CCDC149: variants seen among roughly 807,000 people sequenced by gnomAD.
CCDC149 encodes the protein coiled-coil domain-containing protein 149.
A neutral mutation model predicts 59.9 loss-of-function variants in CCDC149; 45 were observed. The observed-to-expected ratio is 0.75, with a 90% CI of 0.59 to 0.96. CCDC149 has a LOEUF of 0.96. Among genes scored for constraint, CCDC149 ranks in the 40% least tolerant of loss-of-function variants. The pLI is 0.00. For missense variants in CCDC149, 584 were observed against 664.7 expected, an observed-to-expected ratio of 0.88 and a Z score of 1.33; for synonymous variants, 245 against 260.6, an observed-to-expected ratio of 0.94 and a Z score of 0.58.
At chr4:24,953,044 G>GCAAC (rs1448359982) in intron 1 of CCDC149, among the ~76,000 whole-genome samples, 1 of 152,158 alleles carries the variant, frequency 6.6e-6, no homozygotes, top group Non-Finnish European at 1.5e-5. Flanking sequence ...CTCTGTGAGA[G>GCAAC]CAACCTGACC....
In CCDC149 at chr4:24,853,093, T is replaced by G. The variant is rs1315817877; in HGVS notation, c.351A>C (p.Gly117=). 1.2e-6 allele frequency: 2 copies of G among 1,612,622 alleles called. No individual in the cohort carries two copies. Among genetic ancestry groups the G allele is most frequent in the South Asian group, 2.2e-5 (2 of 91,052 alleles). Residue 117 remains glycine, a synonymous_variant, in exon 4 of 13, where the codon GGA becomes GGC. Coordinates refer to ENST00000635206, the MANE Select transcript of CCDC149 (RefSeq NM_001330643.2). ...GTACCTTGTTGTCGCCCTGGACTTCTCCAAGCCTTTGCTGAAGTTCTTTAA... is the reference window on the plus strand; with the variant it reads ...GTACCTTGTTGTCGCCCTGGACTTCGCCAAGCCTTTGCTGAAGTTCTTTAA...
chr4:24,820,514 A>C (rs976484353), intron 11 of CCDC149, among the ~76,000 whole-genome samples: 2 of 152,176 alleles, frequency 1.3e-5, no homozygotes, highest in African/African-American at 4.8e-5. Context: ...AAGAAAGAAG[A>C]GGAAGAGGAG....
chr4:24,973,362 C>T (rs1468936886), intron 1 of CCDC149, among the ~76,000 whole-genome samples: 8 of 152,210 alleles, frequency 5.3e-5, no homozygotes, highest in Middle Eastern at 3.4e-3. Flanking sequence ...CTCTTTGTGT[C>T]GACATGGTGG....
At chr4:24,820,744 G>A (rs1715338600) in intron 11 of CCDC149, among the ~76,000 whole-genome samples, 1 of 151,876 alleles carries the variant, frequency 6.6e-6, no homozygotes, top group Admixed American at 6.6e-5. Flanking sequence ...CAGTGCTATT[G>A]CCATGACATA....
At chr4:24,944,850 T>G (rs947293760) in intron 1 of CCDC149, among the ~76,000 whole-genome samples, 7 of 152,244 alleles carry the variant, frequency 4.6e-5, no homozygotes, top group Non-Finnish European at 1.0e-4. Context: ...TAGTTATTTT[T>G]GGCAACTATA....
chr4:24,956,522 A>C (rs1044719667), intron 1 of CCDC149, among the ~76,000 whole-genome samples: 8 of 152,252 alleles, frequency 5.3e-5, no homozygotes, highest in African/African-American at 1.9e-4. Context: ...GTATGCACCC[A>C]CACACATACC....
intron 4 of CCDC149, among the ~76,000 whole-genome samples, chr4:24,841,436 T>C (rs1474160046): frequency 2.0e-5 from 3 of 152,258 alleles, no homozygotes; most frequent in Non-Finnish European, 2.9e-5. Flanking sequence ...TAAGCTTCAA[T>C]AAATATGTTA....
At chr4:24,942,909 A>G (rs78837209) in intron 1 of CCDC149, among the ~76,000 whole-genome samples, 1 of 151,704 alleles carries the variant, frequency 6.6e-6, no homozygotes, top group African/African-American at 2.4e-5. Context: ...GATACAAACA[A>G]ATGGAAGAAC....
rs549431101 is a variant in CCDC149 at position 24,926,305 on chromosome 4, C to T, written c.-64-31187G>A. The stretch of plus-strand genomic sequence containing the variant: ...GCACCCTCAATGCTTTGCCTGAAAT[C>T]AAGTTTAATAAATATGCTTTCCATT... On this transcript the variant is annotated intron_variant, in intron 1 of 12. Transcript: ENST00000389609. 6.6e-5 allele frequency among the ~76,000 whole-genome samples: 10 copies of T among 152,338 alleles called. No individual in the cohort carries two copies. The South Asian group carries it at 1.9e-3, about 28-fold the overall frequency.
intron 1 of CCDC149, among the ~76,000 whole-genome samples, chr4:24,903,501 G>C (rs1721299864): frequency 1.3e-5 from 2 of 152,162 alleles, no homozygotes; most frequent in African/African-American, 2.4e-5. Context: ...GGGAATTAGA[G>C]AGGCAAGGAG....
In CCDC149 at chr4:24,857,387, A is replaced by G. The variant is rs1718077867; in HGVS notation, c.265-4208T>C. On this transcript the variant is annotated intron_variant, in intron 3 of 12. Transcript: ENST00000635206. ...CCAAGTGTGTATCATTAGATTCAAC[A>G]GACATAAAACCATGCTGTCAAATTG... Among the ~76,000 whole-genome samples, 3 of 152,240 alleles carry G rather than the reference A, an allele frequency of 2.0e-5. 1 individual carries two copies. In the South Asian group the frequency reaches 6.2e-4, roughly 32 times the overall value.
intron 1 of CCDC149, among the ~76,000 whole-genome samples, chr4:24,953,795 T>C (rs1174807347): frequency 6.6e-6 from 1 of 151,786 alleles, no homozygotes; most frequent in Non-Finnish European, 1.5e-5. Flanking sequence ...GTGGAGAAAG[T>C]CAAGAAAATG....
chr4:24,922,859 C>T (rs748170531), intron 1 of CCDC149, among the ~76,000 whole-genome samples: 18 of 152,024 alleles, frequency 1.2e-4, no homozygotes, highest in Non-Finnish European at 7.4e-5. Flanking sequence ...GCCGTGTCCT[C>T]GAACTTGGAA....
rs114214367 is a variant in CCDC149 at position 24,927,011 on chromosome 4, C to T, written c.-64-31893G>A. The stretch of plus-strand genomic sequence containing the variant: ...CAGAAGTGGCATTGCCCTTAAGACC[C>T]CCAGCCTCCGAAGTCAGGCATGGTC... On this transcript the variant is annotated intron_variant, in intron 1 of 12. Coordinates refer to the CCDC149 transcript ENST00000389609. Among the ~76,000 whole-genome samples the T allele has an allele frequency of 3.9e-3, 592 of 152,256 alleles. 4 individuals carry two copies. The highest frequency in any genetic ancestry group is 0.014 in the African/African-American group (575 of 41,534).
At chr4:24,895,001 C>A in intron 1 of CCDC149, 2 of 1,536,188 alleles carry the variant, frequency 1.3e-6, no homozygotes, top group South Asian at 2.4e-5. Flanking sequence ...CCTCAGAATC[C>A]CAAGTGGCCG....
At chr4:24,858,938 T>C (rs1718202423) in intron 3 of CCDC149, among the ~76,000 whole-genome samples, 1 of 152,220 alleles carries the variant, frequency 6.6e-6, no homozygotes, top group African/African-American at 2.4e-5. Context: ...CACTCTGAAC[T>C]CTAGCTCTTG....
At chr4:24,975,458 G>C (rs1262206897) in intron 1 of CCDC149, among the ~76,000 whole-genome samples, 2 of 126,160 alleles carry the variant, frequency 1.6e-5, no homozygotes, top group Non-Finnish European at 1.7e-5. Context: ...ACAGGAGAGG[G>C]AGGGGAGGGG....
rs890879776 is a variant in CCDC149, at chr4:24,979,980, C to A, written c.-65+89G>T. On this transcript the variant is annotated intron_variant, in intron 1 of 12. Transcript: ENST00000389609. Reference sequence around the variant, plus strand: ...CAAGCAATAAATTAAAAATAATCAACGAGTTATTTTATATAATCTGTATAT... The same window carrying A: ...CAAGCAATAAATTAAAAATAATCAAAGAGTTATTTTATATAATCTGTATAT... 5 of 152,074 alleles carry A rather than the reference C, an allele frequency of 3.3e-5. No individual in the cohort carries two copies. In the East Asian group the frequency reaches 7.7e-4, roughly 23 times the overall value. 9.4% of individuals were successfully genotyped at this position (152,074 alleles called of 1,614,324 possible).
chr4:24,854,073 CT>C (rs1673299968), intron 3 of CCDC149, among the ~76,000 whole-genome samples: 3 of 152,172 alleles, frequency 2.0e-5, no homozygotes, highest in Non-Finnish European at 2.9e-5. Context: ...ATCTCACAGC[CT>C]CATGGTCCCT....
Sources: allele counts gnomAD v4.1 joint callset (sites outside exome capture counted in the v4.1 genomes callset), GRCh38; gene constraint gnomAD v4.1.1; transcripts MANE v1.5; gene names NCBI Gene and HGNC (gene_info 2026-07-23, HGNC 2026-07-21).